IRF1: variants seen among roughly 807,000 people sequenced by gnomAD.
IRF1 encodes interferon regulatory factor 1, also known as interferon regulatory factor-1.
In IRF1, 13 loss-of-function variants were observed where a neutral mutation model predicts 43.7. The ratio of observed to expected loss-of-function variants is 0.30; its 90% CI spans 0.19 to 0.47. IRF1 has a LOEUF of 0.47. Among genes scored for constraint, IRF1 ranks in the 20% least tolerant of loss-of-function variants. The pLI is 0.99. For missense variants in IRF1, 236 were observed against 408.9 expected, an observed-to-expected ratio of 0.58 and a Z score of 3.65; for synonymous variants, 138 against 146.8, an observed-to-expected ratio of 0.94 and a Z score of 0.43.
In IRF1 at chr5:132,484,462, C is replaced by A; in HGVS notation, c.753G>T (p.Val251=). The A allele has an allele frequency of 6.2e-7, 1 of 1,614,182 alleles. No individual in the cohort carries two copies. The highest frequency in any genetic ancestry group is 8.5e-7 in the Non-Finnish European group (1 of 1,180,024). The change falls in exon 9 of 10, where the codon GTG becomes GTT. Residue 251 remains valine, a synonymous_variant. Coordinates refer to ENST00000245414, the MANE Select transcript of IRF1 (RefSeq NM_002198.3). The part of the protein sequence containing the change: ...LEQSEWQPTN[V]DGKGYLLNEP... ...CATTGAGTAGGTACCCCTTCCCATCCACGTTTGTTGGCTGCCACTCCGACT... is the reference window on the plus strand; with the variant it reads ...CATTGAGTAGGTACCCCTTCCCATCAACGTTTGTTGGCTGCCACTCCGACT...
At position 132,486,567 on chromosome 5, in the gene IRF1, G is replaced by A. The variant is rs1165391498; in HGVS notation, c.534C>T (p.Ala178=). ...GYMQDLEVEQ[A]LTPALSPCAV... ...CCTGGACCAGCTCACCTGGAGTCAG[G>A]GCCTGCTCCACCTCCAAGTCCTGCA... is the stretch of plus-strand genomic sequence containing the variant. Residue 178 remains alanine, a synonymous_variant, in exon 6 of 10, where the codon GCC becomes GCT. Coordinates refer to ENST00000245414, the MANE Select transcript of IRF1 (RefSeq NM_002198.3). 1 of 1,614,030 alleles carries A rather than the reference G, an allele frequency of 6.2e-7. No individual in the cohort carries two copies. The highest frequency in any genetic ancestry group is 1.7e-5 in the Admixed American group (1 of 60,006).
At chr5:132,486,884 C>T (rs1561604602) in intron 4 of IRF1, 40 bp from the exon 5 acceptor site, 3 of 1,614,096 alleles carry the variant, frequency 1.9e-6, no homozygotes, top group Non-Finnish European at 1.7e-6. Flanking sequence ...TGCAGGCTCT[C>T]CAGCCCCAGC....
In IRF1 at chr5:132,481,901, C is replaced by A. The variant is rs1754386402; in HGVS notation, c.*2050G>T. 6.6e-6 allele frequency: 1 copy of A among 152,404 alleles called. No homozygotes were observed. Among genetic ancestry groups the A allele is most frequent in the African/African-American group, 2.4e-5 (1 of 41,466 alleles). 9.4% of individuals were successfully genotyped at this position (152,404 alleles called of 1,614,324 possible). ...CAGGACACATCACCTATGGCACATG[C>A]CTCAAAACTTAACACTCCTTGGGCC... On this transcript the variant is annotated 3_prime_UTR_variant, in exon 10 of 10. Coordinates refer to ENST00000245414, the MANE Select transcript of IRF1 (RefSeq NM_002198.3).
chr5:132,489,339 C>T, intron 2 of IRF1, 53 bp downstream of exon 2: 1 of 1,365,736 alleles, frequency 7.3e-7, no homozygotes, highest in Non-Finnish European at 1.0e-6. Flanking sequence ...TTGGTCCCTC[C>T]AGAAGTACAT....
chr5:132,487,321 C>A, intron 3 of IRF1, 191 bp from the exon 4 acceptor site: 1 of 626,020 alleles, frequency 1.6e-6, no homozygotes, highest in Non-Finnish European at 2.8e-6. Flanking sequence ...AATGCCCAGG[C>A]TTGGCTTAAA....
At chr5:132,487,848 G>A in intron 3 of IRF1, 78 bp downstream of exon 3, 2 of 942,380 alleles carry the variant, frequency 2.1e-6, no homozygotes, top group Non-Finnish European at 3.4e-6. Flanking sequence ...GGACCCCAGT[G>A]AAGAGCCTCT....
chr5:132,487,867 G>A lies in IRF1; in HGVS notation c.187+59C>T, dbSNP rs938557866. ...CCCAGTGAAGAGCCTCTGTGTTAAC[G>A]TGAGTGCCTCCTCTTGTCTCTACCC... On this transcript the variant is annotated intron_variant, in intron 3 of 9. Coordinates refer to ENST00000245414, the MANE Select transcript of IRF1 (RefSeq NM_002198.3). The A allele has an allele frequency of 5.4e-5, 63 of 1,173,246 alleles. No individual in the cohort carries two copies. The Middle Eastern group carries it at 8.1e-4, about 15-fold the overall frequency. 72.7% of individuals were successfully genotyped at this position (1,173,246 alleles called of 1,614,324 possible).
chr5:132,487,621 T>A (rs2126841047), intron 3 of IRF1: 1 of 435,350 alleles, frequency 2.3e-6, no homozygotes, highest in Non-Finnish European at 4.2e-6. Flanking sequence ...CAGACCTGGG[T>A]CTCTTTCAGT....
Position 132,486,623 on chromosome 5 carries a change from C to T in IRF1, c.478G>A (p.Asp160Asn). 1.2e-5 allele frequency: 19 copies of T among 1,614,170 alleles called. No individual in the cohort carries two copies. Among genetic ancestry groups the T allele is most frequent in the Non-Finnish European group, 1.5e-5 (18 of 1,180,026 alleles). ...DGLSSSTLPD[D>N]HSSYTVPGYM... Reference sequence around the variant, plus strand: ...CCTGGAACTGTGTAGCTGCTGTGGTCATCAGGCAGAGTGGAGCTGCTGAGT... The same window carrying T: ...CCTGGAACTGTGTAGCTGCTGTGGTTATCAGGCAGAGTGGAGCTGCTGAGT... Residue 160 changes from aspartate (D) to asparagine (N), a missense_variant, in exon 6 of 10, where the codon GAC (aspartate) becomes AAC (asparagine). By Grantham distance (23) the Asp-to-Asn change is conservative. Coordinates refer to ENST00000245414, the MANE Select transcript of IRF1 (RefSeq NM_002198.3).
Position 132,483,610 on chromosome 5 carries a change from C to T in IRF1, c.*341G>A, listed in dbSNP as rs1048474095. 6.0e-5 allele frequency: 16 copies of T among 265,850 alleles called. No homozygotes were observed. The highest frequency in any genetic ancestry group is 2.6e-3 in the Middle Eastern group (2 of 776). 16.5% of individuals were successfully genotyped at this position (265,850 alleles called of 1,614,324 possible). On this transcript the variant is annotated 3_prime_UTR_variant, in exon 10 of 10. Transcript: ENST00000245414. Reference sequence around the variant, plus strand: ...TTTCTGGGGTCACTGGTCTGTTCCCCTAGGAGCCAGCCAGTGACAGCGAGA... The same window carrying T: ...TTTCTGGGGTCACTGGTCTGTTCCCTTAGGAGCCAGCCAGTGACAGCGAGA...
Position 132,486,817 on chromosome 5 carries a change from G to A in IRF1, c.392C>T (p.Ala131Val). ...CACCTTCCTCTTGGCCTTGCTCTTA[G>A]CATCTCGGCTGGACTTCGACTTTCT... The part of the protein sequence containing the change: ...KERKSKSSRD[A>V]KSKAKRKSCG... The change falls in exon 5 of 10, where the codon GCT becomes GTT. Residue 131 changes from alanine to valine, a missense_variant. Transcript: ENST00000245414. 1 of 1,614,230 alleles carries A rather than the reference G, an allele frequency of 6.2e-7. No homozygotes were observed. Among genetic ancestry groups the A allele is most frequent in the Non-Finnish European group, 8.5e-7 (1 of 1,180,038 alleles).
chr5:132,488,139 TC>T, intron 2 of IRF1, 114 bp from the exon 3 acceptor site: 3 of 721,892 alleles, frequency 4.2e-6, no homozygotes, highest in Non-Finnish European at 7.2e-6. Context: ...AAGGCTGACT[TC>T]CCCTTTTTTC....
rs1754598520 is a variant in IRF1 at position 132,488,305 on chromosome 5, G to GC, written c.88-281dup. On this transcript the variant is annotated intron_variant, in intron 2 of 9. Coordinates refer to ENST00000245414, the MANE Select transcript of IRF1 (RefSeq NM_002198.3). ...ACACATGTGCTAGGACCCACACAGGGCACCCTCCCCCAAAGCCCTGGTTTT... is the reference window on the plus strand; with the variant it reads ...ACACATGTGCTAGGACCCACACAGGGCCACCCTCCCCCAAAGCCCTGGTTTT... 9 of 337,964 alleles carry GC rather than the reference G, an allele frequency of 2.7e-5. No homozygotes were observed. The South Asian group carries it at 3.3e-4, about 12-fold the overall frequency. 20.9% of individuals were successfully genotyped at this position (337,964 alleles called of 1,614,324 possible).
intron 8 of IRF1, chr5:132,485,122 G>A (rs996472636): frequency 6.4e-6 from 1 of 155,862 alleles, no homozygotes; most frequent in African/African-American, 2.4e-5. Context: ...ATGTTAGTCA[G>A]GCTGGTCTCA....
rs111906639 is a variant in IRF1, at chr5:132,485,849, A to ACACACACCC, written c.668-134_668-133insGGGTGTGTG. The ACACACACCC allele has an allele frequency of 2.2e-4, 150 of 669,922 alleles. 1 individual carries two copies. Among genetic ancestry groups the ACACACACCC allele is most frequent in the Non-Finnish European group, 2.1e-4 (77 of 367,934 alleles). 41.5% of individuals were successfully genotyped at this position (669,922 alleles called of 1,614,324 possible). ...CTCTGACACACACACACACACACAC[A>ACACACACCC]CCCTCCCGGTGGACCTATCTGCCAT... On this transcript the variant is annotated intron_variant, in intron 7 of 9. Coordinates refer to ENST00000245414, the MANE Select transcript of IRF1 (RefSeq NM_002198.3).
rs1324515335 is a variant in IRF1 at position 132,484,698 on chromosome 5, C to T, written c.718-201G>A. 5 of 597,734 alleles carry T rather than the reference C, an allele frequency of 8.4e-6. No individual in the cohort carries two copies. In the Admixed American group the frequency reaches 1.5e-4, roughly 18 times the overall value. The allele number at this position is 597,734 out of a possible 1,614,324, so 37.0% of individuals were successfully genotyped here. On this transcript the variant is annotated intron_variant, in intron 8 of 9. Coordinates refer to ENST00000245414, the MANE Select transcript of IRF1 (RefSeq NM_002198.3). ...GCAGAAATGCATGTTGGCACTGGTC[C>T]TCAATTCATTTTCCCACCCCTCTCA... is the stretch of plus-strand genomic sequence containing the variant.
chr5:132,488,810 C>T (rs562747775), intron 2 of IRF1: 24 of 154,348 alleles, frequency 1.6e-4, no homozygotes, highest in Non-Finnish European at 3.0e-4. Flanking sequence ...AGGACTACTG[C>T]GAGGATTAAA....
chr5:132,487,722 A>T (rs976009742), intron 3 of IRF1: 2 of 580,802 alleles, frequency 3.4e-6, no homozygotes, highest in Non-Finnish European at 6.2e-6. Context: ...ACTTTCTAAG[A>T]TCTTGGCTTT....
Position 132,484,389 on chromosome 5 carries a change from C to T in IRF1, c.826G>A (p.Glu276Lys). The change falls in exon 9 of 10, where the codon GAG becomes AAG. Residue 276 changes from glutamate to lysine, a missense_variant. Coordinates refer to ENST00000245414, the MANE Select transcript of IRF1 (RefSeq NM_002198.3). The stretch of plus-strand genomic sequence containing the variant: ...CCTGGGCTGTCAATTTCTGGCTCCT[C>T]CTTACAGCTAAAGTCTCCATAGACA... ...TSVYGDFSCK[E>K]EPEIDSPGGD... The T allele has an allele frequency of 1.9e-6, 3 of 1,614,174 alleles. No homozygotes were observed. Among genetic ancestry groups the T allele is most frequent in the Non-Finnish European group, 2.5e-6 (3 of 1,180,008 alleles).
Sources: gnomAD v4.1 joint callset for allele counts on GRCh38, gnomAD v4.1.1 for gene constraint, MANE v1.5 for transcripts, NCBI Gene and HGNC (gene_info 2026-07-23, HGNC 2026-07-21) for gene names.